Variants in CCDC171 observed in about 807,000 individuals in gnomAD.
The protein encoded by CCDC171 is coiled-coil domain-containing protein 171.
A neutral mutation model predicts 168.2 loss-of-function variants in CCDC171; 177 were observed. The observed-to-expected ratio is 1.05, with a 90% CI of 0.93 to 1.19. CCDC171 has a LOEUF of 1.19. CCDC171 is among the 50% of genes most tolerant of loss of function. The pLI is 0.00. For synonymous variants in CCDC171, 687 were observed against 540.8 expected (o/e 1.27, Z -3.75); for missense variants, 1,991 against 1,539.0 (o/e 1.29, Z -4.91).
At chr9:15,988,478 T>C (rs948249048) in intron 3 of CCDC171, among the ~76,000 whole-genome samples, 1 of 152,164 alleles carries the variant, frequency 6.6e-6, no homozygotes, top group South Asian at 2.1e-4. Flanking sequence ...ACAGCTCCAG[T>C]CTACAGTTCC....
chr9:15,670,356 T>C (rs1311426822), intron 9 of CCDC171, among the ~76,000 whole-genome samples: 1 of 152,152 alleles, frequency 6.6e-6, no homozygotes, highest in Non-Finnish European at 1.5e-5. Context: ...AAAATCTTGA[T>C]TTTATCAAAT....
intron 7 of CCDC171, among the ~76,000 whole-genome samples, chr9:15,648,340 T>G (rs1262626351): frequency 2.0e-5 from 3 of 152,062 alleles, no homozygotes; most frequent in African/African-American, 4.8e-5. Flanking sequence ...ACTGGCACAA[T>G]CCAGGGATGC....
intron 21 of CCDC171, among the ~76,000 whole-genome samples, chr9:15,813,098 C>T (rs145426486): frequency 1.3e-5 from 2 of 152,306 alleles, no homozygotes; most frequent in East Asian, 3.9e-4. Context: ...TGGGCAGAGA[C>T]TGGCTAACTG....
chr9:15,967,841 C>T (rs1243578627), intron 25 of CCDC171, among the ~76,000 whole-genome samples: 1 of 152,166 alleles, frequency 6.6e-6, no homozygotes, highest in Non-Finnish European at 1.5e-5. Flanking sequence ...GAAGACTTAA[C>T]TTGATCATAA....
chr9:16,046,318 G>T (rs1296652165), intron 1 of CCDC171, among the ~76,000 whole-genome samples: 2 of 152,136 alleles, frequency 1.3e-5, no homozygotes, highest in Non-Finnish European at 2.9e-5. Context: ...AGAGTAGGCA[G>T]TGGCTGCCAG....
At chr9:15,957,224 A>T (rs1211433128) in intron 25 of CCDC171, among the ~76,000 whole-genome samples, 1 of 152,102 alleles carries the variant, frequency 6.6e-6, no homozygotes, top group African/African-American at 2.4e-5. Flanking sequence ...ACCACCTATT[A>T]TGAAGCTTTT....
In CCDC171 at chr9:15,729,817, G is replaced by A. The variant is rs1164490120; in HGVS notation, c.2049+19G>A. ...GGCACAGGTATGCTACCTTTACAAA[G>A]AGCTTTAAAAAATGGGTTACTCAGT... On this transcript the variant is annotated intron_variant, in intron 16 of 25. Coordinates refer to ENST00000380701, the MANE Select transcript of CCDC171 (RefSeq NM_173550.4). The A allele has an allele frequency of 3.8e-6, 6 of 1,579,336 alleles. No homozygotes were observed. The highest frequency in any genetic ancestry group is 3.7e-5 in the Admixed American group (2 of 54,790).
At chr9:15,670,264 A>G (rs2049020668) in intron 9 of CCDC171, among the ~76,000 whole-genome samples, 1 of 151,854 alleles carries the variant, frequency 6.6e-6, no homozygotes, top group South Asian at 2.1e-4. Context: ...AATAGTACCA[A>G]AAAAAAAGCT....
At chr9:15,711,792 G>C (rs912543136) in intron 11 of CCDC171, among the ~76,000 whole-genome samples, 3 of 152,204 alleles carry the variant, frequency 2.0e-5, no homozygotes, top group Non-Finnish European at 2.9e-5. Context: ...TTGAATCATT[G>C]TAAGTTGAGG....
chr9:16,092,177 G>A, the CCDC171 span, among the ~76,000 whole-genome samples: 15,157 of 152,272 alleles, frequency 0.1, 1,760 homozygotes, highest in African/African-American at 0.29. Context: ...GACCACTCCA[G>A]GTTTCCTTCA....
chr9:15,710,560 C>T (rs2052585105), intron 11 of CCDC171, among the ~76,000 whole-genome samples: 1 of 151,984 alleles, frequency 6.6e-6, no homozygotes, highest in African/African-American at 2.4e-5. Flanking sequence ...CTCGACCTCC[C>T]AAAGTGCTGG....
rs530187433 is a variant in CCDC171 at position 15,778,203 on chromosome 9, A to G, written c.2898+377A>G. Among the ~76,000 whole-genome samples the G allele has an allele frequency of 2.0e-4, 30 of 151,186 alleles. 3 individuals carry two copies. Among genetic ancestry groups the G allele is most frequent in the African/African-American group, 6.3e-4 (26 of 41,238 alleles). ...TCCCAGCTACTCGGGAGGCTGAGGC[A>G]GGAGAATGGCGTGAACCCGGGAAGC... On this transcript the variant is annotated intron_variant, in intron 19 of 25. Coordinates refer to ENST00000380701, the MANE Select transcript of CCDC171 (RefSeq NM_173550.4).
rs373754028 is a variant in CCDC171 at position 15,902,404 on chromosome 9, T to C, written c.3601-17866T>C. Among the ~76,000 whole-genome samples the C allele has an allele frequency of 1.8e-4, 27 of 152,304 alleles. No individual in the cohort carries two copies. In the East Asian group the frequency reaches 2.9e-3, roughly 16 times the overall value. The stretch of plus-strand genomic sequence containing the variant: ...AGGTTTTTGTTAAAGAATAATTGAT[T>C]AATTCAGGGAAGTTGGAAATTTTCT... On this transcript the variant is annotated intron_variant, in intron 24 of 25. Transcript: ENST00000380701.
chr9:15,808,138 C>G lies in CCDC171; in HGVS notation c.3267+23444C>G, dbSNP rs541900481. On this transcript the variant is annotated intron_variant, in intron 21 of 25. Coordinates refer to ENST00000380701, the MANE Select transcript of CCDC171 (RefSeq NM_173550.4). Reference sequence around the variant, plus strand: ...GCCACTTTTTCCTTTGTGAAGCTGGCAAACTCATATACTCTGAGTGAGGGG... The same window carrying G: ...GCCACTTTTTCCTTTGTGAAGCTGGGAAACTCATATACTCTGAGTGAGGGG... Among the ~76,000 whole-genome samples, 27 of 152,100 alleles carry G rather than the reference C, an allele frequency of 1.8e-4. No individual in the cohort carries two copies. In the South Asian group the frequency reaches 5.0e-3, roughly 28 times the overall value.
intron 7 of CCDC171, among the ~76,000 whole-genome samples, chr9:15,633,135 C>G (rs144879083): frequency 1.3e-5 from 2 of 152,200 alleles, no homozygotes; most frequent in African/African-American, 4.8e-5. Context: ...GTCTGAAACA[C>G]CAAAAGCAAT....
In CCDC171 at chr9:15,591,481, C is replaced by A. The variant is rs146515484; in HGVS notation, c.468C>A (p.Asp156Glu). 19 of 1,606,724 alleles carry A rather than the reference C, an allele frequency of 1.2e-5. No individual in the cohort carries two copies. The African/African-American group carries it at 2.3e-4, about 19-fold the overall frequency. Reference sequence around the variant, plus strand: ...TTGAACATGATTTGGAGGAAAGAGACAATATGATCCAAAATTGCAATCGAG... The same window carrying A: ...TTGAACATGATTTGGAGGAAAGAGAAAATATGATCCAAAATTGCAATCGAG... Reference protein sequence around the residue: ...RRFEHDLEERDNMIQNCNREY... With the variant: ...RRFEHDLEERENMIQNCNREY... The change falls in exon 5 of 26, where the codon GAC becomes GAA. Residue 156 changes from aspartate (D) to glutamate (E), a missense_variant. Physicochemically the swap from Asp to Glu is conservative, Grantham distance 45. Coordinates refer to ENST00000380701, the MANE Select transcript of CCDC171 (RefSeq NM_173550.4).
intron 1 of CCDC171, among the ~76,000 whole-genome samples, chr9:15,558,215 C>G (rs28893033): frequency 0.054 from 8,281 of 152,160 alleles, 278 homozygotes; most frequent in African/African-American, 0.086. Flanking sequence ...TGTTGTGTCT[C>G]TGCCAGGCTT....
intron 11 of CCDC171, among the ~76,000 whole-genome samples, chr9:15,710,464 C>T (rs960868157): frequency 6.6e-6 from 1 of 151,836 alleles, no homozygotes; most frequent in Admixed American, 6.6e-5. Flanking sequence ...CACCATGCCC[C>T]GCTAATTTTT....
intron 24 of CCDC171, among the ~76,000 whole-genome samples, chr9:15,884,046 T>A (rs2131376130): frequency 6.6e-6 from 1 of 152,268 alleles, no homozygotes; most frequent in Non-Finnish European, 1.5e-5. Flanking sequence ...ATTGTTTTCT[T>A]TTTGTGTGTA....
Sources: allele counts gnomAD v4.1 joint callset (sites outside exome capture counted in the v4.1 genomes callset), GRCh38; gene constraint gnomAD v4.1.1; transcripts MANE v1.5; gene names NCBI Gene and HGNC (gene_info 2026-07-23, HGNC 2026-07-21).